The following PLXDC1 variants were observed in gnomAD, a reference collection of about 807,000 sequenced individuals.
PLXDC1 encodes the protein plexin domain containing 1, also known as plexin domain-containing protein 1.
PLXDC1 carries 39 observed loss-of-function variants against 61.3 expected under a neutral mutation model. The observed-to-expected ratio is 0.64, with a 90% CI of 0.49 to 0.83. PLXDC1 has a LOEUF of 0.83. Ranked by LOEUF, PLXDC1 falls within the 40% of genes least tolerant of loss-of-function variation. The probability of loss-of-function intolerance (pLI) is 0.00; values close to 1 mark genes in which losing one functional copy is unlikely to be tolerated. For missense variants in PLXDC1, 596 were observed against 666.5 expected (o/e 0.89, Z 1.17); for synonymous variants, 212 against 254.5 (o/e 0.83, Z 1.59).
intron 2 of PLXDC1, among the ~76,000 whole-genome samples, chr17:39,113,509 G>T (rs560955813): frequency 8.5e-5 from 13 of 152,076 alleles, no homozygotes; most frequent in African/African-American, 3.1e-4. Flanking sequence ...CAAAGGTTAC[G>T]CCCCTTCCGC....
intron 10 of PLXDC1, 124 bp from the exon 11 acceptor site, chr17:39,078,172 C>T: frequency 1.6e-5 from 15 of 913,740 alleles, no homozygotes; most frequent in Non-Finnish European, 2.5e-5. Context: ...AAGGAAGGGG[C>T]TGAGATGCCA....
intron 2 of PLXDC1, among the ~76,000 whole-genome samples, chr17:39,131,296 C>G (rs556172641): frequency 6.6e-6 from 1 of 152,138 alleles, no homozygotes; most frequent in Non-Finnish European, 1.5e-5. Flanking sequence ...GACATCTGCA[C>G]TCCACCTCCT....
chr17:39,133,907 G>A lies in PLXDC1; in HGVS notation c.255+5747C>T, dbSNP rs144605207. Among the ~76,000 whole-genome samples the A allele has an allele frequency of 7.4e-3, 1,120 of 152,038 alleles. 106 individuals carry two copies. In the East Asian group the frequency reaches 0.2, roughly 27 times the overall value. ...ATCCCGAAGTGCTGGGATTACAGGCGTGAGCCACTGTGACTGGCTGATACA... is the reference window on the plus strand; with the variant it reads ...ATCCCGAAGTGCTGGGATTACAGGCATGAGCCACTGTGACTGGCTGATACA... On this transcript the variant is annotated intron_variant, in intron 2 of 13. Coordinates refer to ENST00000315392, the MANE Select transcript of PLXDC1 (RefSeq NM_020405.5).
chr17:39,109,535 T>C (rs1910722271), intron 2 of PLXDC1, 144 bp from the exon 3 acceptor site: 15 of 998,428 alleles, frequency 1.5e-5, no homozygotes, highest in Non-Finnish European at 2.0e-5. Flanking sequence ...CAAGGGCTGA[T>C]TTAGGCCTAG....
intron 2 of PLXDC1, among the ~76,000 whole-genome samples, chr17:39,121,785 C>A (rs1303757032): frequency 1.3e-5 from 2 of 152,090 alleles, no homozygotes; most frequent in African/African-American, 4.8e-5. Flanking sequence ...CTATGTCTGG[C>A]CAATGGAAGA....
intron 2 of PLXDC1, among the ~76,000 whole-genome samples, chr17:39,139,060 C>T (rs973024393): frequency 5.3e-5 from 8 of 152,272 alleles, no homozygotes; most frequent in Admixed American, 2.6e-4. Flanking sequence ...CCAGACACAC[C>T]GAGGCTTCCA....
intron 8 of PLXDC1, among the ~76,000 whole-genome samples, chr17:39,084,085 A>G (rs971528307): frequency 3.3e-5 from 5 of 152,226 alleles, no homozygotes; most frequent in Non-Finnish European, 5.9e-5. Flanking sequence ...CACGAGGTCT[A>G]TGACGGCAAA....
chr17:39,128,712 A>T (rs1445679940), intron 2 of PLXDC1, among the ~76,000 whole-genome samples: 1 of 152,142 alleles, frequency 6.6e-6, no homozygotes, highest in Admixed American at 6.5e-5. Context: ...GATCCCAAGG[A>T]ATTCAAAACA....
At position 39,108,123 on chromosome 17, in the gene PLXDC1, C is replaced by G; in HGVS notation, c.592G>C (p.Gly198Arg). Residue 198 changes from glycine (G) to arginine (R), a missense_variant and splice_region_variant, in exon 5 of 14, where the codon GGG (glycine) becomes CGG (arginine). Coordinates refer to ENST00000315392, the MANE Select transcript of PLXDC1 (RefSeq NM_020405.5). ...CTTAAATTCTGAGATCCAGTCTCAC[C>G]ATTGTCAAAGTAAACAACTGTGGAG... is the stretch of plus-strand genomic sequence containing the variant. ...DNSTVVYFDN[G>R]TVFVVQWDHV... The G allele has an allele frequency of 6.2e-7, 1 of 1,614,142 alleles. No homozygotes were observed. The highest frequency in any genetic ancestry group is 8.5e-7 in the Non-Finnish European group (1 of 1,180,016).
At chr17:39,122,495 T>C (rs570907925) in intron 2 of PLXDC1, among the ~76,000 whole-genome samples, 2 of 150,812 alleles carry the variant, frequency 1.3e-5, no homozygotes, top group Admixed American at 1.3e-4. Context: ...GGAAAGCACA[T>C]GTTTTAGAAG....
intron 2 of PLXDC1, among the ~76,000 whole-genome samples, chr17:39,128,107 A>ATATATATATATATATACATATATACG (rs1291982693): frequency 9.9e-6 from 1 of 100,632 alleles, no homozygotes; most frequent in Non-Finnish European, 1.9e-5. Flanking sequence ...GTATATATAT[A>ATATATATATATATATACATATATACG]TATATATGTA....
At position 39,109,457 on chromosome 17, in the gene PLXDC1, G is replaced by T. The variant is rs933580263; in HGVS notation, c.256-66C>A. On this transcript the variant is annotated intron_variant, in intron 2 of 13. Coordinates refer to ENST00000315392, the MANE Select transcript of PLXDC1 (RefSeq NM_020405.5). ...GTCAGCATGCCAGGACTGACTCTCC[G>T]CCCTTCCCCACTCAGATTTCTGGGT... 2.2e-5 allele frequency: 33 copies of T among 1,517,768 alleles called. No homozygotes were observed. The Middle Eastern group carries it at 5.1e-4, about 24-fold the overall frequency. The allele number at this position is 1,517,768 out of a possible 1,614,324, so 94.0% of individuals were successfully genotyped here.
At chr17:39,115,801 T>G (rs1910947526) in intron 2 of PLXDC1, among the ~76,000 whole-genome samples, 1 of 152,128 alleles carries the variant, frequency 6.6e-6, no homozygotes, top group South Asian at 2.1e-4. Flanking sequence ...ATTTTCTCAG[T>G]GGGGAAACTG....
intron 8 of PLXDC1, among the ~76,000 whole-genome samples, chr17:39,087,394 C>T (rs1025838463): frequency 2.5e-4 from 38 of 152,184 alleles, no homozygotes; most frequent in African/African-American, 8.2e-4. Flanking sequence ...GTCAGAGCTG[C>T]GGCCGATGTG....
chr17:39,104,632 A>G (rs905763661), intron 7 of PLXDC1, among the ~76,000 whole-genome samples: 1 of 152,082 alleles, frequency 6.6e-6, no homozygotes, highest in Non-Finnish European at 1.5e-5. Context: ...AAAAATAACA[A>G]AATTAGCCAG....
At chr17:39,096,370 G>A (rs1285633784) in intron 7 of PLXDC1, among the ~76,000 whole-genome samples, 2 of 152,038 alleles carry the variant, frequency 1.3e-5, no homozygotes, top group African/African-American at 4.8e-5. Context: ...GGAAGGATGG[G>A]CCCCCAGATG....
intron 2 of PLXDC1, among the ~76,000 whole-genome samples, chr17:39,115,829 A>G (rs1364007515): frequency 3.3e-5 from 5 of 152,150 alleles, no homozygotes; most frequent in Non-Finnish European, 5.9e-5. Flanking sequence ...AAATCATGTA[A>G]CTAGGCCAGG....
intron 2 of PLXDC1, among the ~76,000 whole-genome samples, chr17:39,123,305 C>T (rs574431604): frequency 5.9e-5 from 9 of 152,316 alleles, no homozygotes; most frequent in African/African-American, 2.2e-4. Context: ...ATTCTACTGC[C>T]TCAGCCTCCC....
At chr17:39,132,394 C>T (rs895562743) in intron 2 of PLXDC1, among the ~76,000 whole-genome samples, 8 of 152,056 alleles carry the variant, frequency 5.3e-5, no homozygotes, top group Non-Finnish European at 1.0e-4. Context: ...CCCCGAAACG[C>T]CCAGTGTCCC....
Sources: gnomAD v4.1 joint callset for allele counts (sites outside exome capture counted in the v4.1 genomes callset) on GRCh38, gnomAD v4.1.1 for gene constraint, MANE v1.5 for transcripts, NCBI Gene and HGNC (gene_info 2026-07-23, HGNC 2026-07-21) for gene names.